The following PTPRD variants were observed in gnomAD, a reference collection of about 807,000 sequenced individuals.
The protein encoded by PTPRD is receptor-type tyrosine-protein phosphatase delta.
In PTPRD, 34 loss-of-function variants were observed where a neutral mutation model predicts 214.5. The observed-to-expected ratio is 0.16, with a 90% CI of 0.12 to 0.21. The LOEUF (loss-of-function observed/expected upper bound fraction) is 0.21, where lower values mean the gene tolerates loss of function less well. Among genes scored for constraint, PTPRD ranks in the 10% least tolerant of loss-of-function variants. PTPRD has a pLI of 1.00. For missense variants in PTPRD, 2,545 were observed against 2,398.7 expected (o/e 1.06, Z -1.27); for synonymous variants, 1,128 against 845.7 (o/e 1.33, Z -5.79).
chr9:9,906,332 T>C (rs1419541869), intron 5 of PTPRD, among the ~76,000 whole-genome samples: 1 of 152,000 alleles, frequency 6.6e-6, no homozygotes, highest in Non-Finnish European at 1.5e-5. Flanking sequence ...TCTAGGTCCC[T>C]CCAGTAATTC....
At chr9:9,543,668 G>A (rs2078109610) in intron 8 of PTPRD, among the ~76,000 whole-genome samples, 1 of 151,422 alleles carries the variant, frequency 6.6e-6, no homozygotes, top group Non-Finnish European at 1.5e-5. Flanking sequence ...CTAGGATCAA[G>A]GCCATCAACC....
chr9:10,313,583 G>T (rs2096333158), intron 3 of PTPRD, among the ~76,000 whole-genome samples: 1 of 151,880 alleles, frequency 6.6e-6, no homozygotes, highest in Non-Finnish European at 1.5e-5. Context: ...CTATTTCTCA[G>T]CAAGGGATGT....
chr9:9,977,194 A>G (rs956761288), intron 4 of PTPRD, among the ~76,000 whole-genome samples: 1 of 152,318 alleles, frequency 6.6e-6, no homozygotes, highest in South Asian at 2.1e-4. Context: ...GTGGATTCCC[A>G]GCTCTGCTAC....
At chr9:8,525,673 T>A (rs1054018142) in intron 17 of PTPRD, among the ~76,000 whole-genome samples, 1 of 151,888 alleles carries the variant, frequency 6.6e-6, no homozygotes. Context: ...CAAAGAGCAG[T>A]TGAATTAGAA....
chr9:10,029,749 G>A (rs1567186826), intron 4 of PTPRD, among the ~76,000 whole-genome samples: 1 of 152,174 alleles, frequency 6.6e-6, no homozygotes. Flanking sequence ...ACTTTGGACT[G>A]TGGAGTTTTG....
intron 3 of PTPRD, among the ~76,000 whole-genome samples, chr9:10,138,357 C>T (rs956971897): frequency 6.6e-6 from 1 of 151,932 alleles, no homozygotes; most frequent in African/African-American, 2.4e-5. Flanking sequence ...AAAAACCTAA[C>T]AGACCAATAA....
intron 10 of PTPRD, among the ~76,000 whole-genome samples, chr9:9,146,127 T>C (rs930566938): frequency 6.6e-6 from 1 of 152,220 alleles, no homozygotes; most frequent in Non-Finnish European, 1.5e-5. Flanking sequence ...CATTTTCCAC[T>C]GTGATAATTT....
chr9:9,053,300 G>C (rs1417998834), intron 10 of PTPRD, among the ~76,000 whole-genome samples: 1 of 151,860 alleles, frequency 6.6e-6, no homozygotes, highest in Non-Finnish European at 1.5e-5. Context: ...ATATTAATAG[G>C]GCTATTAAGA....
intron 12 of PTPRD, among the ~76,000 whole-genome samples, chr9:8,705,552 A>C (rs1228403945): frequency 6.6e-6 from 1 of 152,232 alleles, no homozygotes; most frequent in Non-Finnish European, 1.5e-5. Context: ...TCCATTTCTA[A>C]ACCAACATTT....
intron 9 of PTPRD, among the ~76,000 whole-genome samples, chr9:9,204,423 T>A (rs1462328405): frequency 6.6e-6 from 1 of 152,174 alleles, no homozygotes; most frequent in Non-Finnish European, 1.5e-5. Flanking sequence ...GGAGACCAAG[T>A]CAGCTAGTTT....
At chr9:9,780,458 T>A (rs1197755754) in intron 5 of PTPRD, among the ~76,000 whole-genome samples, 2 of 152,134 alleles carry the variant, frequency 1.3e-5, no homozygotes, top group Non-Finnish European at 1.5e-5. Flanking sequence ...TGAACAGACA[T>A]CTCACCAAAG....
At chr9:9,583,723 G>A (rs1163149371) in intron 7 of PTPRD, among the ~76,000 whole-genome samples, 1 of 151,942 alleles carries the variant, frequency 6.6e-6, no homozygotes, top group Non-Finnish European at 1.5e-5. Context: ...TAAATTCATG[G>A]TAACTATGGC....
At chr9:10,551,058 G>A (rs1244534913) in intron 2 of PTPRD, among the ~76,000 whole-genome samples, 2 of 152,184 alleles carry the variant, frequency 1.3e-5, no homozygotes, top group East Asian at 1.9e-4. Flanking sequence ...ATTAGGCTGA[G>A]TGCAGTGGCT....
chr9:8,495,599 G>A (rs1213884786), intron 26 of PTPRD, among the ~76,000 whole-genome samples: 1 of 152,156 alleles, frequency 6.6e-6, no homozygotes, highest in Non-Finnish European at 1.5e-5. Context: ...AACAGAAAAT[G>A]AAGTGGAATA....
chr9:9,592,063 T>G (rs1221378522), intron 7 of PTPRD, among the ~76,000 whole-genome samples: 4 of 152,072 alleles, frequency 2.6e-5, no homozygotes, highest in Admixed American at 2.6e-4. Flanking sequence ...TGAAGTTTAG[T>G]TTTTTTCTTA....
intron 8 of PTPRD, among the ~76,000 whole-genome samples, chr9:9,552,451 T>C (rs140882552): frequency 0.017 from 2,514 of 152,204 alleles, 40 homozygotes; most frequent in Admixed American, 0.026. Context: ...TTGAAAAGTA[T>C]TGACTATTAA....
chr9:9,895,762 C>G (rs144410670), intron 5 of PTPRD, among the ~76,000 whole-genome samples: 1 of 152,010 alleles, frequency 6.6e-6, no homozygotes, highest in Non-Finnish European at 1.5e-5. Flanking sequence ...AAATGAAGGA[C>G]TAGTAGCAGC....
intron 12 of PTPRD, among the ~76,000 whole-genome samples, chr9:8,670,027 T>C (rs1465658150): frequency 1.3e-5 from 2 of 151,998 alleles, no homozygotes; most frequent in African/African-American, 4.8e-5. Flanking sequence ...CTCTTTTTTT[T>C]TTTTTAATTC....
intron 10 of PTPRD, among the ~76,000 whole-genome samples, chr9:9,082,093 C>A (rs2099760061): frequency 6.7e-6 from 1 of 149,664 alleles, no homozygotes; most frequent in Admixed American, 6.7e-5. Context: ...AAGACGGACT[C>A]CTCCCTAACT....
Sources: allele counts gnomAD v4.1 joint callset (sites outside exome capture counted in the v4.1 genomes callset), GRCh38; gene constraint gnomAD v4.1.1; transcripts MANE v1.5; gene names NCBI Gene and HGNC (gene_info 2026-07-23, HGNC 2026-07-21).